SLCO2A1: variants seen among roughly 807,000 people sequenced by gnomAD.
SLCO2A1 encodes the protein matrin F/G 1.
SLCO2A1 carries 60 observed loss-of-function variants against 71.7 expected under a neutral mutation model. The observed-to-expected ratio is 0.84, with a 90% CI of 0.68 to 1.04. The LOEUF is 1.04. Ranked by LOEUF, SLCO2A1 falls within the 50% of genes least tolerant of loss-of-function variation. SLCO2A1 has a pLI of 0.00. For synonymous variants in SLCO2A1, 308 were observed against 326.7 expected (o/e 0.94, Z 0.62); for missense variants, 745 against 813.4 (o/e 0.92, Z 1.02).
At chr3:133,988,166 T>G (rs1457156357) in intron 1 of SLCO2A1, among the ~76,000 whole-genome samples, 1 of 152,176 alleles carries the variant, frequency 6.6e-6, no homozygotes, top group Non-Finnish European at 1.5e-5. Flanking sequence ...TAAGGTGACA[T>G]GCCTCATTAT....
chr3:133,942,204 G>A (rs1184110655), intron 11 of SLCO2A1: 1 of 155,040 alleles, frequency 6.4e-6, no homozygotes, highest in East Asian at 1.9e-4. Flanking sequence ...ATGTTGGCCA[G>A]GCTGGTCTTG....
At chr3:133,969,156 G>T (rs1253609434) in intron 3 of SLCO2A1, among the ~76,000 whole-genome samples, 3 of 152,208 alleles carry the variant, frequency 2.0e-5, no homozygotes, top group Non-Finnish European at 2.9e-5. Context: ...AGCAGGTCAG[G>T]CGCAGTGGCT....
At chr3:133,979,163 C>G (rs936787329) in intron 2 of SLCO2A1, among the ~76,000 whole-genome samples, 1 of 152,206 alleles carries the variant, frequency 6.6e-6, no homozygotes, top group African/African-American at 2.4e-5. Flanking sequence ...GAGCAAGCCA[C>G]TTGTACTCCT....
At chr3:134,011,237 G>A (rs1935338268) in intron 1 of SLCO2A1, among the ~76,000 whole-genome samples, 1 of 152,190 alleles carries the variant, frequency 6.6e-6, no homozygotes, top group African/African-American at 2.4e-5. Context: ...CTTTAGTAGA[G>A]ACGGGGTTTC....
chr3:133,980,299 G>A (rs1420977852), intron 1 of SLCO2A1, among the ~76,000 whole-genome samples: 1 of 152,226 alleles, frequency 6.6e-6, no homozygotes, highest in Non-Finnish European at 1.5e-5. Context: ...GGATGATCAA[G>A]GCCCCAGGGA....
intron 1 of SLCO2A1, among the ~76,000 whole-genome samples, chr3:134,020,155 G>T (rs4854790): frequency 0.69 from 104,169 of 151,872 alleles, 36,195 homozygotes; most frequent in East Asian, 0.94. Flanking sequence ...CTTGCTCAAT[G>T]GATCATGACC....
At chr3:134,007,992 C>A (rs990667681) in intron 1 of SLCO2A1, among the ~76,000 whole-genome samples, 5 of 152,154 alleles carry the variant, frequency 3.3e-5, no homozygotes, top group African/African-American at 1.2e-4. Context: ...CCATGTGAAC[C>A]TGTCATGTTG....
intron 1 of SLCO2A1, among the ~76,000 whole-genome samples, chr3:133,995,715 C>T (rs1209207844): frequency 6.6e-6 from 1 of 152,138 alleles, no homozygotes; most frequent in South Asian, 2.1e-4. Flanking sequence ...AGGGAAATGA[C>T]CAAAGAAGCA....
intron 3 of SLCO2A1, among the ~76,000 whole-genome samples, chr3:133,970,943 G>A (rs1337987155): frequency 6.6e-6 from 1 of 152,244 alleles, no homozygotes; most frequent in Non-Finnish European, 1.5e-5. Flanking sequence ...GAGCTGAGAG[G>A]GTCATGGTTA....
At chr3:133,994,337 C>G (rs1020564790) in intron 1 of SLCO2A1, among the ~76,000 whole-genome samples, 6 of 152,194 alleles carry the variant, frequency 3.9e-5, no homozygotes, top group Admixed American at 2.0e-4. Flanking sequence ...AAATCCATCA[C>G]CTTGCTCCAC....
At chr3:133,955,288 A>C in intron 3 of SLCO2A1, 95 bp from the exon 4 acceptor site, 11 of 1,086,444 alleles carry the variant, frequency 1.0e-5, no homozygotes, top group Middle Eastern at 2.9e-4. Flanking sequence ...CCCCTTGGGG[A>C]AGGACCAACT....
chr3:134,023,200 C>T (rs929143997), intron 1 of SLCO2A1, among the ~76,000 whole-genome samples: 5 of 151,714 alleles, frequency 3.3e-5, no homozygotes, highest in African/African-American at 1.2e-4. Context: ...GCCACCCCCT[C>T]CAGAATTGTG....
intron 9 of SLCO2A1, 98 bp from the exon 10 acceptor site, chr3:133,945,358 C>G (rs1408043313): frequency 3.3e-6 from 4 of 1,200,952 alleles, no homozygotes; most frequent in Middle Eastern, 2.1e-4. Flanking sequence ...GTGAGTGTGT[C>G]TGTGCATCTT....
intron 1 of SLCO2A1, among the ~76,000 whole-genome samples, chr3:133,980,058 T>G (rs1313130494): frequency 6.6e-6 from 1 of 152,198 alleles, no homozygotes. Context: ...CAGACCACTC[T>G]TGGGAGATGA....
rs531774338 is a variant in SLCO2A1, at chr3:133,950,965, G to A, written c.861+243C>T. 2.0e-5 allele frequency: 10 copies of A among 505,170 alleles called. No homozygotes were observed. The Admixed American group carries it at 2.6e-4, about 13-fold the overall frequency. 31.3% of individuals were successfully genotyped at this position (505,170 alleles called of 1,614,324 possible). ...CTCAGTGTTTCCCAAACTGTTCCCT[G>A]GAGGTCTCCTGATCCTTGACATGCT... On this transcript the variant is annotated intron_variant, in intron 6 of 13. Coordinates refer to ENST00000310926, the MANE Select transcript of SLCO2A1 (RefSeq NM_005630.3).
At chr3:133,959,891 C>G (rs895863870) in intron 3 of SLCO2A1, among the ~76,000 whole-genome samples, 2 of 151,834 alleles carry the variant, frequency 1.3e-5, no homozygotes, top group South Asian at 4.2e-4. Flanking sequence ...GAGGCTGAGG[C>G]GGGCAGATCA....
intron 1 of SLCO2A1, among the ~76,000 whole-genome samples, chr3:134,007,411 C>A (rs1461622220): frequency 6.6e-6 from 1 of 152,180 alleles, no homozygotes; most frequent in African/African-American, 2.4e-5. Context: ...TGGTATAAAG[C>A]TTTCCCTGTG....
chr3:133,972,989 A>G (rs1367273074), intron 3 of SLCO2A1, among the ~76,000 whole-genome samples: 2 of 152,212 alleles, frequency 1.3e-5, no homozygotes, highest in Non-Finnish European at 2.9e-5. Flanking sequence ...TATAAATAAC[A>G]GTATAGTAAC....
intron 10 of SLCO2A1, 91 bp from the exon 11 acceptor site, chr3:133,942,859 C>A: frequency 7.3e-7 from 1 of 1,362,310 alleles, no homozygotes; most frequent in Non-Finnish European, 9.9e-7. Flanking sequence ...TTGTTGGAGA[C>A]TGAGGTTTCA....
Sources: allele counts gnomAD v4.1 joint callset (sites outside exome capture counted in the v4.1 genomes callset), GRCh38; gene constraint gnomAD v4.1.1; transcripts MANE v1.5; gene names NCBI Gene and HGNC (gene_info 2026-07-23, HGNC 2026-07-21).